C8orf58: variants seen among roughly 807,000 people sequenced by gnomAD.
C8orf58 encodes the protein uncharacterized protein C8orf58.
A neutral mutation model predicts 36.8 loss-of-function variants in C8orf58; 31 were observed. That is an observed-to-expected ratio of 0.84 (90% confidence interval 0.63 to 1.14). C8orf58 has a LOEUF of 1.14. Among genes scored for constraint, C8orf58 ranks in the 50% most tolerant of loss-of-function variants. C8orf58 has a pLI of 0.00. For synonymous variants in C8orf58, 230 were observed against 200.2 expected (o/e 1.15, Z -1.26); for missense variants, 538 against 480.8 (o/e 1.12, Z -1.11).
chr8:22,602,526 C>A lies in C8orf58; in HGVS notation c.880-11C>A. 1 of 1,609,526 alleles carries A rather than the reference C, an allele frequency of 6.2e-7. No individual in the cohort carries two copies. The highest frequency in any genetic ancestry group is 8.5e-7 in the Non-Finnish European group (1 of 1,176,530). On this transcript the variant is annotated splice_polypyrimidine_tract_variant and intron_variant, in intron 5 of 6. Coordinates refer to ENST00000289989, the MANE Select transcript of C8orf58 (RefSeq NM_001013842.3). ...GGGAGGGCTCTGGGTGACCCCTCAT[C>A]CTCTGCTCAGCGGGATATCTCCCAC...
rs771895585 is a variant in C8orf58, at chr8:22,603,198, C to T, written c.990C>T (p.Ile330=). Residue 330 remains isoleucine, a synonymous_variant, in exon 7 of 7, where the codon ATC becomes ATT. Transcript: ENST00000289989. The part of the protein sequence containing the change: ...PAPPDGSDPR[I]ESRDLPERPQ... ...ATGTCTTCTTTTCATTCCACAGGATCGAGTCCAGGGACCTCCCTGAAAGGC... is the reference window on the plus strand; with the variant it reads ...ATGTCTTCTTTTCATTCCACAGGATTGAGTCCAGGGACCTCCCTGAAAGGC... 1.2e-5 allele frequency: 19 copies of T among 1,607,848 alleles called. No individual in the cohort carries two copies. Among genetic ancestry groups the T allele is most frequent in the African/African-American group, 4.0e-5 (3 of 74,914 alleles).
intron 2 of C8orf58, 136 bp from the exon 3 acceptor site, chr8:22,601,576 G>T: frequency 3.4e-6 from 4 of 1,175,130 alleles, no homozygotes; most frequent in Non-Finnish European, 4.8e-6. Flanking sequence ...CCGCTGGGCA[G>T]TGGGGAAGCC....
At position 22,602,317 on chromosome 8, in the gene C8orf58, G is replaced by A. The variant is rs756622736; in HGVS notation, c.879+5G>A. ...CCATCCTCCCAGGGACACAAGGTAG[G>A]GGACAGGTATATGTGGGGCAGGTGG... is the stretch of plus-strand genomic sequence containing the variant. On this transcript the variant is annotated splice_donor_5th_base_variant and intron_variant, in intron 5 of 6. Transcript: ENST00000289989. 1 of 1,583,430 alleles carries A rather than the reference G, an allele frequency of 6.3e-7. No homozygotes were observed. Among genetic ancestry groups the A allele is most frequent in the East Asian group, 2.3e-5 (1 of 44,086 alleles).
rs1443143356 is a variant in C8orf58, at chr8:22,601,801, G to A, written c.606G>A (p.Met202Ile). ...ACCTGTGCCTGGTGCTGGAGCAGAT[G>A]GCAAGGCTCCAGCAGCTCTACCTGC... ...LEHLCLVLEQ[M>I]ARLQQLYLQL... The change falls in exon 3 of 7, where the codon ATG becomes ATA. Residue 202 changes from methionine to isoleucine, a missense_variant. Physicochemically the swap from Met to Ile is conservative, Grantham distance 10. Coordinates refer to ENST00000289989, the MANE Select transcript of C8orf58 (RefSeq NM_001013842.3). 2 of 1,612,386 alleles carry A rather than the reference G, an allele frequency of 1.2e-6. No individual in the cohort carries two copies. Among genetic ancestry groups the A allele is most frequent in the Non-Finnish European group, 8.5e-7 (1 of 1,179,724 alleles).
rs1348622176 is a variant in C8orf58, at chr8:22,602,644, G to C, written c.986+1G>C. 1 of 1,528,632 alleles carries C rather than the reference G, an allele frequency of 6.5e-7. No individual in the cohort carries two copies. Among genetic ancestry groups the C allele is most frequent in the Non-Finnish European group, 8.8e-7 (1 of 1,132,298 alleles). The allele number at this position is 1,528,632 out of a possible 1,614,324, so 94.7% of individuals were successfully genotyped here. ...CCCCTCCTGATGGCTCTGACCCCAG[G>C]TGAGCCCCGTGCCCAGCCCAGGTTA... On this transcript the variant is annotated splice_donor_variant, in intron 6 of 6. Transcript: ENST00000289989. LOFTEE classifies it high-confidence loss of function.
chr8:22,602,751 G>A, intron 6 of C8orf58, 108 bp downstream of exon 6: 2 of 734,032 alleles, frequency 2.7e-6, no homozygotes, highest in Non-Finnish European at 4.5e-6. Context: ...AACTTGAGAG[G>A]CAGTCTGGGA....
Position 22,602,050 on chromosome 8 carries a change from T to G in C8orf58, c.736T>G (p.Trp246Gly), listed in dbSNP as rs762046672. The G allele has an allele frequency of 5.9e-5, 93 of 1,578,526 alleles. No individual in the cohort carries two copies. Among genetic ancestry groups the G allele is most frequent in the Non-Finnish European group, 7.7e-5 (89 of 1,159,040 alleles). The stretch of plus-strand genomic sequence containing the variant: ...CCCAGGCAATCGGGGGCAGGGGCCA[T>G]GGGAGCTGCTAAGCCAGACAGAGCA... ...HTPGNRGQGP[W>G]ELLSQTEHTG... Residue 246 changes from tryptophan to glycine, a missense_variant, in exon 4 of 7, where the codon TGG (tryptophan) becomes GGG (glycine). By Grantham distance (184) the Trp-to-Gly change is radical. Transcript: ENST00000289989.
In C8orf58 at chr8:22,603,732, G is replaced by A. The variant is rs1364672379; in HGVS notation, c.*426G>A. On this transcript the variant is annotated 3_prime_UTR_variant, in exon 7 of 7. Coordinates refer to ENST00000289989, the MANE Select transcript of C8orf58 (RefSeq NM_001013842.3). Reference sequence around the variant, plus strand: ...TCTTCTGAAATAATGCATCCAAAGGGTTGATATTCTGGGGGAGGTCACTGC... The same window carrying A: ...TCTTCTGAAATAATGCATCCAAAGGATTGATATTCTGGGGGAGGTCACTGC... The A allele has an allele frequency of 6.4e-6, 2 of 312,704 alleles. No individual in the cohort carries two copies. The highest frequency in any genetic ancestry group is 1.3e-5 in the Non-Finnish European group (2 of 158,588). 19.4% of individuals were successfully genotyped at this position (312,704 alleles called of 1,614,324 possible).
intron 6 of C8orf58, chr8:22,602,901 G>A (rs752790311): frequency 8.6e-6 from 5 of 581,866 alleles, no homozygotes; most frequent in African/African-American, 7.5e-5. Flanking sequence ...TGGGAAATCT[G>A]CCTACCCTAG....
chr8:22,602,363 G>A (rs1800891054), intron 5 of C8orf58, 51 bp downstream of exon 5: 1 of 1,054,580 alleles, frequency 9.5e-7, no homozygotes. Context: ...TGGGGGGAGG[G>A]GAGGTGGGGG....
At position 22,601,353 on chromosome 8, in the gene C8orf58, A is replaced by G. The variant is rs1444909638; in HGVS notation, c.512A>G (p.Glu171Gly). Residue 171 changes from glutamate to glycine, a missense_variant, in exon 2 of 7, where the codon GAG (glutamate) becomes GGG (glycine). Physicochemically the swap from Glu to Gly is moderately conservative, Grantham distance 98 (BLOSUM62 -2). Coordinates refer to ENST00000289989, the MANE Select transcript of C8orf58 (RefSeq NM_001013842.3). ...DTDLEAGLEEEAVGGLGPGAW... is the reference protein window; with the variant it reads ...DTDLEAGLEEGAVGGLGPGAW... Reference sequence around the variant, plus strand: ...GACCTAGAGGCAGGCCTGGAAGAAGAGGCGGTGAGTGCTCACTCTCAGGCT... The same window carrying G: ...GACCTAGAGGCAGGCCTGGAAGAAGGGGCGGTGAGTGCTCACTCTCAGGCT... 6.4e-7 allele frequency: 1 copy of G among 1,570,040 alleles called. No homozygotes were observed. Among genetic ancestry groups the G allele is most frequent in the African/African-American group, 1.4e-5 (1 of 74,030 alleles).
chr8:22,600,210 C>T (rs969720744), intron 1 of C8orf58: 1 of 163,302 alleles, frequency 6.1e-6, no homozygotes, highest in African/African-American at 2.4e-5. Flanking sequence ...GTTCATTCCG[C>T]CAGGACGCCC....
Position 22,601,335 on chromosome 8 carries a change from A to G in C8orf58, c.494A>G (p.Glu165Gly), listed in dbSNP as rs1800851432. 6.3e-7 allele frequency: 1 copy of G among 1,588,092 alleles called. No individual in the cohort carries two copies. Among genetic ancestry groups the G allele is most frequent in the Admixed American group, 1.7e-5 (1 of 58,670 alleles). ...QESMEADTDL[E>G]AGLEEEAVGG... ...TCCATGGAGGCAGACACAGACCTAG[A>G]GGCAGGCCTGGAAGAAGAGGCGGTG... Residue 165 changes from glutamate (E) to glycine (G), a missense_variant, in exon 2 of 7, where the codon GAG (glutamate) becomes GGG (glycine). Physicochemically the swap from Glu to Gly is moderately conservative, Grantham distance 98 (BLOSUM62 -2). Transcript: ENST00000289989.
At chr8:22,601,516 C>G (rs910572542) in intron 2 of C8orf58, among the ~76,000 whole-genome samples, 159 bp downstream of exon 2, 1 of 152,234 alleles carries the variant, frequency 6.6e-6, no homozygotes, top group Non-Finnish European at 1.5e-5. Context: ...TGCACGGCCA[C>G]CTCTGCAGAG....
chr8:22,603,015 A>G lies in C8orf58; in HGVS notation c.987-180A>G, dbSNP rs1388673448. On this transcript the variant is annotated intron_variant, in intron 6 of 6. Coordinates refer to ENST00000289989, the MANE Select transcript of C8orf58 (RefSeq NM_001013842.3). ...GATTTCACAGTGGGTGAAGGCCATC[A>G]TGCTTCGGGGCTTGTATTGAATCGT... 6.6e-6 allele frequency: 4 copies of G among 608,470 alleles called. No individual in the cohort carries two copies. In the East Asian group the frequency reaches 8.2e-5, roughly 13 times the overall value. The allele number at this position is 608,470 out of a possible 1,614,324, so 37.7% of individuals were successfully genotyped here. A position where few individuals can be genotyped will look rare whatever the true frequency, so the allele number is the denominator to read the frequency against.
At chr8:22,601,414 G>T in intron 2 of C8orf58, 57 bp downstream of exon 2, 1 of 1,367,192 alleles carries the variant, frequency 7.3e-7, no homozygotes, top group Non-Finnish European at 9.9e-7. Flanking sequence ...TAGCTCCTCT[G>T]GTTCTCCCTG....
rs768803044 is a variant in C8orf58, at chr8:22,601,057, G to A, written c.216G>A (p.Glu72=). Residue 72 remains glutamate, a synonymous_variant, in exon 2 of 7, where the codon GAG becomes GAA. Transcript: ENST00000289989. ...LKLASRDSGV[E]MAVGDSPLAA... ...TGGCCTCCCGGGACTCAGGAGTGGAGATGGCAGTTGGGGACAGCCCCCTGG... is the reference window on the plus strand; with the variant it reads ...TGGCCTCCCGGGACTCAGGAGTGGAAATGGCAGTTGGGGACAGCCCCCTGG... 9.9e-6 allele frequency: 16 copies of A among 1,612,834 alleles called. No homozygotes were observed. The Admixed American group carries it at 2.3e-4, about 24-fold the overall frequency.
In C8orf58 at chr8:22,601,111, C is replaced by A. The variant is rs769069083; in HGVS notation, c.270C>A (p.Ser90=). Residue 90 remains serine (S), a synonymous_variant, in exon 2 of 7, where the codon TCC becomes TCA. Transcript: ENST00000289989. ...CCTTACCGGGCCTTTCTCAGGACTC[C>A]CTGGACTTTGAATCCTCAGGGAGTT... The part of the protein sequence containing the change: ...LAALPGLSQD[S]LDFESSGSSE... The A allele has an allele frequency of 1.2e-6, 2 of 1,612,370 alleles. No individual in the cohort carries two copies. The highest frequency in any genetic ancestry group is 8.5e-7 in the Non-Finnish European group (1 of 1,179,980).
chr8:22,601,227 C>T lies in C8orf58; in HGVS notation c.386C>T (p.Thr129Ile), dbSNP rs1586938268. 6.2e-7 allele frequency: 1 copy of T among 1,610,270 alleles called. No individual in the cohort carries two copies. ...ERSRRLPTAP[T>I]SLSGQHRSLR... ...TCCCGCCGGCTCCCAACAGCTCCCACCAGCTTGTCAGGACAACACCGCTCC... is the reference window on the plus strand; with the variant it reads ...TCCCGCCGGCTCCCAACAGCTCCCATCAGCTTGTCAGGACAACACCGCTCC... Residue 129 changes from threonine (T) to isoleucine (I), a missense_variant, in exon 2 of 7, where the codon ACC (threonine) becomes ATC (isoleucine). By Grantham distance (89) the Thr-to-Ile change is moderately conservative. Transcript: ENST00000289989.
Sources: gnomAD v4.1 joint callset for allele counts (sites outside exome capture counted in the v4.1 genomes callset) on GRCh38, gnomAD v4.1.1 for gene constraint, MANE v1.5 for transcripts, NCBI Gene and HGNC (gene_info 2026-07-23, HGNC 2026-07-21) for gene names.